Variants in STK32C observed in about 807,000 individuals in gnomAD.
STK32C encodes serine/threonine kinase 32C.
A neutral mutation model predicts 56.5 loss-of-function variants in STK32C; 31 were observed. The observed-to-expected ratio is 0.55, with a 90% CI of 0.41 to 0.74. The LOEUF is 0.74. Ranked by LOEUF, STK32C falls within the 30% of genes least tolerant of loss-of-function variation. STK32C has a pLI of 0.00. For synonymous variants in STK32C, 309 were observed against 289.4 expected, an observed-to-expected ratio of 1.07 and a Z score of -0.69; for missense variants, 544 against 676.9, an observed-to-expected ratio of 0.80 and a Z score of 2.18.
At chr10:132,298,468 G>A (rs1315964433) in intron 1 of STK32C, among the ~76,000 whole-genome samples, 3 of 152,206 alleles carry the variant, frequency 2.0e-5, no homozygotes, top group Non-Finnish European at 4.4e-5. Context: ...AGCCCCTTCC[G>A]ATGCGGGGTC....
chr10:132,225,440 C>T, intron 6 of STK32C, 87 bp downstream of exon 6: 3 of 1,595,388 alleles, frequency 1.9e-6, no homozygotes, highest in Non-Finnish European at 2.6e-6. Flanking sequence ...CAGGCTGCCT[C>T]CAGGGTGGGA....
intron 1 of STK32C, among the ~76,000 whole-genome samples, chr10:132,248,667 C>T (rs903247233): frequency 3.3e-5 from 5 of 152,238 alleles, no homozygotes; most frequent in Non-Finnish European, 4.4e-5. Flanking sequence ...ATGCCTAGGA[C>T]GGCCACATGG....
chr10:132,301,095 A>G (rs7075670), intron 1 of STK32C, among the ~76,000 whole-genome samples: 57,519 of 151,122 alleles, frequency 0.38, 11,684 homozygotes, highest in African/African-American at 0.48. Context: ...CTGGTCGTCC[A>G]CTAACACGAG....
chr10:132,311,646 G>A (rs977189385), upstream of STK32C, among the ~76,000 whole-genome samples: 1 of 152,184 alleles, frequency 6.6e-6, no homozygotes, highest in Non-Finnish European at 1.5e-5. The surrounding 1 kb of genome is among the most constrained non-coding windows in gnomAD (Gnocchi z 4.4). Context: ...CGCCGGGGCC[G>A]AGCATGAGTT....
At chr10:132,235,615 G>C (rs2137815452) in intron 2 of STK32C, among the ~76,000 whole-genome samples, 2 of 152,190 alleles carry the variant, frequency 1.3e-5, no homozygotes, top group Admixed American at 1.3e-4. Flanking sequence ...ACAGTGTCGG[G>C]GCCTCCAGGT....
intron 1 of STK32C, among the ~76,000 whole-genome samples, chr10:132,281,673 C>T (rs11146308): frequency 0.2 from 31,170 of 152,218 alleles, 3,911 homozygotes; most frequent in Non-Finnish European, 0.3. Context: ...AGCACTGTTG[C>T]GGACAGGGAG....
chr10:132,219,953 G>A (rs578240118), intron 10 of STK32C, among the ~76,000 whole-genome samples: 17 of 152,248 alleles, frequency 1.1e-4, no homozygotes, highest in East Asian at 1.9e-4. Context: ...GGGGACCACC[G>A]AGGGACCCAG....
chr10:132,230,459 C>T (rs1236897424), intron 2 of STK32C, among the ~76,000 whole-genome samples: 2 of 152,254 alleles, frequency 1.3e-5, no homozygotes, highest in South Asian at 2.1e-4. Context: ...GCGCCAGCCC[C>T]AGCACCCGCG....
intron 1 of STK32C, among the ~76,000 whole-genome samples, chr10:132,248,591 G>A (rs2063772765): frequency 6.6e-6 from 1 of 152,250 alleles, no homozygotes; most frequent in African/African-American, 2.4e-5. Flanking sequence ...AGGAGCCCGT[G>A]GTCGGCACAG....
intron 1 of STK32C, among the ~76,000 whole-genome samples, chr10:132,324,687 T>TA (rs1454778624): frequency 5.3e-5 from 8 of 152,248 alleles, no homozygotes; most frequent in African/African-American, 1.7e-4. Context: ...GTCAAATACT[T>TA]AAAGAGGTTT....
At chr10:132,301,020 G>T (rs1398505851) in intron 1 of STK32C, among the ~76,000 whole-genome samples, 3 of 152,134 alleles carry the variant, frequency 2.0e-5, no homozygotes, top group African/African-American at 7.2e-5. Flanking sequence ...CCAAGTAGAA[G>T]GCCTGGTCGT....
intron 10 of STK32C, among the ~76,000 whole-genome samples, chr10:132,216,074 C>A (rs1379813613): frequency 6.6e-6 from 1 of 152,188 alleles, no homozygotes; most frequent in East Asian, 1.9e-4. Flanking sequence ...AGCAGCAAAG[C>A]ATTCAAGAGG....
intron 1 of STK32C, among the ~76,000 whole-genome samples, chr10:132,265,537 G>A (rs1005879613): frequency 2.6e-5 from 4 of 152,150 alleles, no homozygotes; most frequent in East Asian, 1.9e-4. Context: ...GCAGAGAGAC[G>A]GAGGGCAGGC....
At chr10:132,280,091 T>A (rs1426910726) in intron 1 of STK32C, among the ~76,000 whole-genome samples, 3 of 131,650 alleles carry the variant, frequency 2.3e-5, no homozygotes, top group Non-Finnish European at 4.8e-5. Context: ...CACTCGGTGA[T>A]CACACCCCTG....
chr10:132,307,991 CG>C (rs1384261070), upstream of STK32C: 11 of 189,878 alleles, frequency 5.8e-5, no homozygotes, highest in African/African-American at 1.1e-4. The surrounding 1 kb of genome is among the most constrained non-coding windows in gnomAD (Gnocchi z 4.4). Flanking sequence ...GCGCTGGGGG[CG>C]GGGCAGGGGC....
chr10:132,226,126 C>T (rs61493591), intron 4 of STK32C, among the ~76,000 whole-genome samples: 3,640 of 152,350 alleles, frequency 0.024, 146 homozygotes, highest in African/African-American at 0.082. Flanking sequence ...CAAGCCACCT[C>T]GGCTCTTGCT....
At chr10:132,244,912 C>T (rs183324043) in intron 2 of STK32C, among the ~76,000 whole-genome samples, 111 of 152,306 alleles carry the variant, frequency 7.3e-4, no homozygotes, top group Admixed American at 1.4e-3. Context: ...AGCAACAAAA[C>T]GGTGCAGGTC....
intron 2 of STK32C, among the ~76,000 whole-genome samples, chr10:132,232,032 T>C (rs1341668716): frequency 6.6e-6 from 1 of 152,244 alleles, no homozygotes; most frequent in African/African-American, 2.4e-5. Context: ...GCCTCCTGTG[T>C]CTCTGCATCC....
intron 1 of STK32C, chr10:132,249,138 G>A (rs566829529): frequency 2.5e-5 from 11 of 446,342 alleles, no homozygotes; most frequent in Admixed American, 9.4e-5. Flanking sequence ...TGGCGTCAGG[G>A]CGTGCAGGGG....
Sources: gnomAD v4.1 joint callset for allele counts (sites outside exome capture counted in the v4.1 genomes callset) on GRCh38, gnomAD v4.1.1 for gene constraint, Gnocchi (gnomAD v3.1) non-coding constraint, MANE v1.5 for transcripts, NCBI Gene and HGNC (gene_info 2026-07-23, HGNC 2026-07-21) for gene names.